Variants in PDE8A observed in about 807,000 individuals in gnomAD.
PDE8A encodes high affinity cAMP-specific and IBMX-insensitive 3',5'-cyclic phosphodiesterase 8A.
In PDE8A, 59 loss-of-function variants were observed where a neutral mutation model predicts 105.0. The observed-to-expected ratio is 0.56, with a 90% CI of 0.46 to 0.70. The LOEUF is 0.70. PDE8A is among the 30% of genes least tolerant of loss of function. The pLI is 0.00. For missense variants in PDE8A, 1,014 were observed against 1,045.9 expected (o/e 0.97, Z 0.42); for synonymous variants, 355 against 371.9 (o/e 0.95, Z 0.52).
chr15:85,099,856 CTTTA>C (rs2081828857), intron 9 of PDE8A, 155 bp from the exon 10 acceptor site: 2 of 645,066 alleles, frequency 3.1e-6, no homozygotes, highest in African/African-American at 3.6e-5. Flanking sequence ...GTGATCTCTT[CTTTA>C]TTTATTGGTG....
intron 11 of PDE8A, among the ~76,000 whole-genome samples, chr15:85,103,304 C>T (rs1401988437): frequency 6.6e-6 from 1 of 152,186 alleles, no homozygotes; most frequent in Non-Finnish European, 1.5e-5. Flanking sequence ...GTCAGTGATG[C>T]AGTCAGAGGA....
chr15:85,000,348 C>T (rs909421340), intron 1 of PDE8A, among the ~76,000 whole-genome samples: 2 of 152,166 alleles, frequency 1.3e-5, no homozygotes, highest in African/African-American at 4.8e-5. Context: ...CACTGGTTTT[C>T]TGGCCTGTAA....
intron 1 of PDE8A, among the ~76,000 whole-genome samples, chr15:85,024,213 A>G (rs2080474916): frequency 6.7e-6 from 1 of 149,962 alleles, no homozygotes; most frequent in Non-Finnish European, 1.5e-5. Context: ...CTAACTTAGC[A>G]GGTATCATAC....
Position 84,982,077 on chromosome 15 carries a change from C to T in PDE8A, c.-86C>T. The T allele has an allele frequency of 1.2e-6, 1 of 864,538 alleles. No individual in the cohort carries two copies. 53.6% of individuals were successfully genotyped at this position (864,538 alleles called of 1,614,324 possible). ...CCGCCCAGGCGGCGATGACACGGCG[C>T]CCGCGGCGGCCCGGAGGCGCCGGGT... On this transcript the variant is annotated 5_prime_UTR_variant, in exon 1 of 22. Coordinates refer to ENST00000394553, the MANE Select transcript of PDE8A (RefSeq NM_002605.3).
At chr15:85,040,163 C>T (rs535671621) in intron 1 of PDE8A, among the ~76,000 whole-genome samples, 15 of 151,896 alleles carry the variant, frequency 9.9e-5, no homozygotes, top group African/African-American at 3.4e-4. Context: ...GAAAAAGAAG[C>T]TGAGTGTGAT....
chr15:85,110,413 G>A (rs906673165), intron 12 of PDE8A, among the ~76,000 whole-genome samples: 11 of 152,134 alleles, frequency 7.2e-5, no homozygotes, highest in African/African-American at 2.4e-4. Flanking sequence ...GTATGCTCAT[G>A]TAGTCACCAC....
At chr15:85,082,484 AC>A (rs762155979) in intron 5 of PDE8A, among the ~76,000 whole-genome samples, 11 of 152,266 alleles carry the variant, frequency 7.2e-5, no homozygotes, top group Admixed American at 2.0e-4. Flanking sequence ...TGCCTCATAT[AC>A]AATCATACAG....
At position 85,137,934 on chromosome 15, in the gene PDE8A, T is replaced by A. The variant is rs775281264; in HGVS notation, c.*31T>A. 2.2e-6 allele frequency: 3 copies of A among 1,373,402 alleles called. No individual in the cohort carries two copies. The South Asian group carries it at 3.5e-5, about 16-fold the overall frequency. The allele number at this position is 1,373,402 out of a possible 1,614,324, so 85.1% of individuals were successfully genotyped here. On this transcript the variant is annotated 3_prime_UTR_variant, in exon 22 of 22. Transcript: ENST00000394553. The stretch of plus-strand genomic sequence containing the variant: ...GACACCACCCAGAGCCCTGAAGCTT[T>A]GTTCCTTCGGTCATTTGGAATTCCT...
intron 1 of PDE8A, among the ~76,000 whole-genome samples, chr15:85,013,359 T>C (rs369287837): frequency 5.9e-5 from 9 of 152,326 alleles, no homozygotes; most frequent in East Asian, 3.9e-4. Flanking sequence ...ACTTTTCTTA[T>C]CTGCAAAATG....
chr15:85,131,428 A>G (rs2082328775), intron 20 of PDE8A, among the ~76,000 whole-genome samples: 1 of 152,064 alleles, frequency 6.6e-6, no homozygotes. Flanking sequence ...TTTTCTATAG[A>G]TAGTTGCATT....
chr15:84,982,090 G>A lies in PDE8A; in HGVS notation c.-73G>A. 1 of 1,029,826 alleles carries A rather than the reference G, an allele frequency of 9.7e-7. No individual in the cohort carries two copies. Among genetic ancestry groups the A allele is most frequent in the Non-Finnish European group, 1.2e-6 (1 of 814,018 alleles). The allele number at this position is 1,029,826 out of a possible 1,614,324, so 63.8% of individuals were successfully genotyped here. ...GATGACACGGCGCCCGCGGCGGCCCGGAGGCGCCGGGTGGGCCGTTTGCTG... is the reference window on the plus strand; with the variant it reads ...GATGACACGGCGCCCGCGGCGGCCCAGAGGCGCCGGGTGGGCCGTTTGCTG... On this transcript the variant is annotated 5_prime_UTR_variant, in exon 1 of 22. Coordinates refer to ENST00000394553, the MANE Select transcript of PDE8A (RefSeq NM_002605.3).
chr15:85,024,547 C>CTTT (rs57454748), intron 1 of PDE8A, among the ~76,000 whole-genome samples: 3 of 146,070 alleles, frequency 2.1e-5, no homozygotes, highest in African/African-American at 7.5e-5. Context: ...CTTGCTTAGG[C>CTTT]TTTTTTTTTT....
At chr15:85,066,416 C>T (rs2081225572) in intron 2 of PDE8A, among the ~76,000 whole-genome samples, 1 of 151,884 alleles carries the variant, frequency 6.6e-6, no homozygotes, top group South Asian at 2.1e-4. Context: ...CAAAAATTAG[C>T]CGGGCATGTG....
At chr15:85,066,035 T>C (rs979709372) in intron 2 of PDE8A, among the ~76,000 whole-genome samples, 3 of 152,222 alleles carry the variant, frequency 2.0e-5, no homozygotes, top group Non-Finnish European at 4.4e-5. Flanking sequence ...CAATTTTTTT[T>C]TTAACTTGGA....
rs186422564 is a variant in PDE8A at position 85,070,750 on chromosome 15, C to A, written c.434+3546C>A. ...AATGATGAAGGCCTTGTGTGCTAAG[C>A]CAAAGGCTGTGGACTCTACCCCGTA... On this transcript the variant is annotated intron_variant, in intron 3 of 21. Coordinates refer to ENST00000394553, the MANE Select transcript of PDE8A (RefSeq NM_002605.3). 6.9e-4 allele frequency among the ~76,000 whole-genome samples: 105 copies of A among 152,234 alleles called. 3 individuals carry two copies. In the East Asian group the frequency reaches 0.011, roughly 16 times the overall value.
intron 1 of PDE8A, among the ~76,000 whole-genome samples, chr15:84,982,890 A>G (rs542566558): frequency 5.3e-4 from 80 of 152,354 alleles, no homozygotes; most frequent in African/African-American, 1.8e-3. Context: ...GCTTCATTGC[A>G]CATGTATTTG....
intron 21 of PDE8A, 25 bp from the exon 22 acceptor site, chr15:85,137,772 A>T: frequency 2.1e-6 from 3 of 1,396,076 alleles, no homozygotes; most frequent in Non-Finnish European, 3.1e-6. Context: ...GTGAAAGCAT[A>T]TCACATTCCT....
intron 1 of PDE8A, among the ~76,000 whole-genome samples, chr15:85,018,743 AT>A (rs1401761676): frequency 7.9e-5 from 12 of 152,218 alleles, no homozygotes; most frequent in African/African-American, 2.9e-4. Flanking sequence ...TTTCAAAAAA[AT>A]CTTTGCTAAT....
intron 20 of PDE8A, among the ~76,000 whole-genome samples, chr15:85,133,667 C>T (rs1265285868): frequency 5.9e-5 from 9 of 152,152 alleles, no homozygotes; most frequent in African/African-American, 1.7e-4. Context: ...TCCTAGTCCC[C>T]CATATTACTG....
Sources: allele counts gnomAD v4.1 joint callset (sites outside exome capture counted in the v4.1 genomes callset), GRCh38; gene constraint gnomAD v4.1.1; transcripts MANE v1.5; gene names NCBI Gene and HGNC (gene_info 2026-07-23, HGNC 2026-07-21).